Variants in TMEM132C observed in about 807,000 individuals in gnomAD.
TMEM132C encodes protein phosphatase 1, regulatory subunit 152.
In TMEM132C, 29 loss-of-function variants were observed where a neutral mutation model predicts 61.4. The ratio of observed to expected loss-of-function variants is 0.47; its 90% CI spans 0.35 to 0.64. TMEM132C has a LOEUF of 0.64. TMEM132C is among the 30% of genes least tolerant of loss of function. The pLI is 0.00. For synonymous variants in TMEM132C, 656 were observed against 633.1 expected (o/e 1.04, Z -0.54); for missense variants, 1,408 against 1,476.9 (o/e 0.95, Z 0.76).
intron 2 of TMEM132C, among the ~76,000 whole-genome samples, chr12:128,505,888 G>A (rs940172705): frequency 3.1e-5 from 4 of 130,864 alleles, no homozygotes; most frequent in African/African-American, 1.2e-4. Flanking sequence ...GGTCAGACCC[G>A]TGGGATTTGG....
intron 3 of TMEM132C, among the ~76,000 whole-genome samples, chr12:128,585,705 A>G (rs894191628): frequency 6.6e-6 from 1 of 152,218 alleles, no homozygotes; most frequent in Non-Finnish European, 1.5e-5. Context: ...GTGTGCTACT[A>G]TTTGAGGTTA....
chr12:128,601,668 C>T (rs754607955), intron 3 of TMEM132C, among the ~76,000 whole-genome samples: 4 of 148,706 alleles, frequency 2.7e-5, no homozygotes, highest in Non-Finnish European at 6.1e-5. Context: ...GGGCGCTTGG[C>T]GGGTTGGAGT....
At chr12:128,336,248 A>C (rs1593015432) in intron 1 of TMEM132C, among the ~76,000 whole-genome samples, 2 of 152,256 alleles carry the variant, frequency 1.3e-5, no homozygotes, top group Admixed American at 1.3e-4. Context: ...TTTAAAAAAT[A>C]TATGCATGCC....
Position 128,410,927 on chromosome 12 carries a change from G to A in TMEM132C, c.86-3805G>A, listed in dbSNP as rs111396417. Among the ~76,000 whole-genome samples, 337 of 152,188 alleles carry A rather than the reference G, an allele frequency of 2.2e-3. 3 individuals carry two copies. The highest frequency in any genetic ancestry group is 7.6e-3 in the African/African-American group (314 of 41,514). On this transcript the variant is annotated intron_variant, in intron 1 of 8. Coordinates refer to ENST00000435159, the MANE Select transcript of TMEM132C (RefSeq NM_001136103.3). ...AGACGTCTTTTTATCCACAAATCTGGAACAGTTCTTTCAACTTTCTTCTTA... is the reference window on the plus strand; with the variant it reads ...AGACGTCTTTTTATCCACAAATCTGAAACAGTTCTTTCAACTTTCTTCTTA...
intron 2 of TMEM132C, among the ~76,000 whole-genome samples, chr12:128,463,826 G>A (rs1870625265): frequency 6.6e-6 from 1 of 152,138 alleles, no homozygotes; most frequent in African/African-American, 2.4e-5. Context: ...GCTAGATACA[G>A]AGGACACCGA....
At chr12:128,644,063 T>C (rs1276094231) in intron 4 of TMEM132C, among the ~76,000 whole-genome samples, 1 of 152,184 alleles carries the variant, frequency 6.6e-6, no homozygotes, top group African/African-American at 2.4e-5. Context: ...TCGCCTCCCA[T>C]GCACGACAAA....
At chr12:128,285,769 TTCTCTC>T (rs139826127) in intron 1 of TMEM132C, among the ~76,000 whole-genome samples, 3 of 17,466 alleles carry the variant, frequency 1.7e-4, no homozygotes, top group South Asian at 2.2e-3. Flanking sequence ...CTTTCTCTCT[TTCTCTC>T]TCTCTCTCTC....
chr12:128,681,582 T>A (rs1189772789), intron 5 of TMEM132C, among the ~76,000 whole-genome samples: 1 of 152,012 alleles, frequency 6.6e-6, no homozygotes, highest in Non-Finnish European at 1.5e-5. Context: ...GGCTTAGCAT[T>A]CTCCATACTG....
At chr12:128,459,417 C>A (rs576379498) in intron 2 of TMEM132C, among the ~76,000 whole-genome samples, 34 of 152,222 alleles carry the variant, frequency 2.2e-4, no homozygotes, top group African/African-American at 7.7e-4. Context: ...TTTGAGAGAC[C>A]AAGGAAGTGG....
At chr12:128,658,973 A>G (rs2135618812) in intron 4 of TMEM132C, among the ~76,000 whole-genome samples, 1 of 152,354 alleles carries the variant, frequency 6.6e-6, no homozygotes, top group South Asian at 2.1e-4. Context: ...TAGCTTCTGC[A>G]AAAGGAAGAT....
intron 1 of TMEM132C, among the ~76,000 whole-genome samples, chr12:128,315,774 G>A (rs529195854): frequency 6.6e-6 from 1 of 152,140 alleles, no homozygotes; most frequent in East Asian, 1.9e-4. Flanking sequence ...GTCCTTATGA[G>A]AAGGCCATGT....
In TMEM132C at chr12:128,693,054, C is replaced by T. The variant is rs186315143; in HGVS notation, c.1450-775C>T. ...GGTCATAGAAGACCACAGAAGGGGTCTCATAAGGAACCCCTGAGCTGGGGT... is the reference window on the plus strand; with the variant it reads ...GGTCATAGAAGACCACAGAAGGGGTTTCATAAGGAACCCCTGAGCTGGGGT... On this transcript the variant is annotated intron_variant, in intron 5 of 8. Transcript: ENST00000435159. Among the ~76,000 whole-genome samples the T allele has an allele frequency of 1.0e-3, 156 of 152,214 alleles. 1 individual carries two copies. Among genetic ancestry groups the T allele is most frequent in the African/African-American group, 3.5e-3 (145 of 41,550 alleles).
chr12:128,396,850 C>T (rs1460774308), intron 1 of TMEM132C, among the ~76,000 whole-genome samples: 2 of 152,202 alleles, frequency 1.3e-5, no homozygotes, highest in Non-Finnish European at 2.9e-5. Context: ...CTCTTTCTTT[C>T]TTCACTGCAT....
chr12:128,467,183 A>G (rs955256663), intron 2 of TMEM132C, among the ~76,000 whole-genome samples: 1 of 152,152 alleles, frequency 6.6e-6, no homozygotes, highest in Admixed American at 6.5e-5. Context: ...TGAACTATTT[A>G]TATGTGCCAT....
intron 4 of TMEM132C, among the ~76,000 whole-genome samples, chr12:128,620,427 T>C (rs1953953388): frequency 6.6e-6 from 1 of 152,074 alleles, no homozygotes; most frequent in Non-Finnish European, 1.5e-5. Context: ...GAGGTCCAGA[T>C]AGTGATCAGA....
rs745468989 is a variant in TMEM132C at position 128,415,876 on chromosome 12, G to A, written c.974+256G>A. Among the ~76,000 whole-genome samples the A allele has an allele frequency of 2.0e-4, 31 of 152,096 alleles. No individual in the cohort carries two copies. Among genetic ancestry groups the A allele is most frequent in the Admixed American group, 1.2e-3 (18 of 15,266 alleles). On this transcript the variant is annotated intron_variant, in intron 2 of 8. Coordinates refer to ENST00000435159, the MANE Select transcript of TMEM132C (RefSeq NM_001136103.3). The surrounding 1 kb of genome is among the most constrained non-coding windows in gnomAD (Gnocchi z 5.8). Reference sequence around the variant, plus strand: ...AAAAGGAGCAAGATGAGAGTAATCCGCCTCTCTAGACCTTCAGTTATCCTC... The same window carrying A: ...AAAAGGAGCAAGATGAGAGTAATCCACCTCTCTAGACCTTCAGTTATCCTC...
intron 4 of TMEM132C, among the ~76,000 whole-genome samples, chr12:128,617,937 A>G (rs116162937): frequency 3.3e-5 from 5 of 152,222 alleles, no homozygotes; most frequent in South Asian, 2.1e-4. Flanking sequence ...GCCATGGGCC[A>G]CATCCAATCT....
intron 3 of TMEM132C, among the ~76,000 whole-genome samples, chr12:128,552,021 T>C (rs1340834364): frequency 6.6e-6 from 1 of 152,252 alleles, no homozygotes; most frequent in African/African-American, 2.4e-5. Flanking sequence ...TACTCTGAAG[T>C]TCAGGGGGGA....
intron 1 of TMEM132C, among the ~76,000 whole-genome samples, chr12:128,396,890 GT>G (rs1468349084): frequency 6.6e-6 from 1 of 152,226 alleles, no homozygotes; most frequent in Non-Finnish European, 1.5e-5. Flanking sequence ...TGTTCAGGCA[GT>G]TTACTGTGGA....
Sources: allele counts gnomAD v4.1 joint callset (sites outside exome capture counted in the v4.1 genomes callset), GRCh38; gene constraint gnomAD v4.1.1; non-coding constraint Gnocchi (gnomAD v3.1); transcripts MANE v1.5; gene names NCBI Gene and HGNC (gene_info 2026-07-23, HGNC 2026-07-21).